Variants in TDRP observed in about 807,000 individuals in gnomAD.
TDRP encodes testis development related protein.
In TDRP, 12 loss-of-function variants were observed where a neutral mutation model predicts 10.5. That is an observed-to-expected ratio of 1.15 (90% CI 0.73 to 1.86). TDRP has a LOEUF of 1.86. Ranked by LOEUF, TDRP falls within the 40% of genes most tolerant of loss-of-function variation. The probability of loss-of-function intolerance (pLI) is 0.00; values close to 1 mark genes in which losing one functional copy is unlikely to be tolerated. For synonymous variants in TDRP, 139 were observed against 95.4 expected (o/e 1.46, Z -2.67); for missense variants, 353 against 229.2 (o/e 1.54, Z -3.49).
chr8:528,625 G>C (rs1232305948), intron 1 of TDRP, among the ~76,000 whole-genome samples: 1 of 151,748 alleles, frequency 6.6e-6, no homozygotes, highest in South Asian at 2.1e-4. Flanking sequence ...TAAAAAATAA[G>C]AGTATAATTG....
At chr8:504,695 T>C (rs1306687526) in intron 1 of TDRP, among the ~76,000 whole-genome samples, 1 of 152,222 alleles carries the variant, frequency 6.6e-6, no homozygotes, top group Non-Finnish European at 1.5e-5. Context: ...GGTTACAATT[T>C]GGGTCAACAG....
intron 1 of TDRP, among the ~76,000 whole-genome samples, chr8:512,921 A>T (rs1371075954): frequency 6.6e-6 from 1 of 151,912 alleles, no homozygotes; most frequent in Non-Finnish European, 1.5e-5. Flanking sequence ...GCAGTGAGCC[A>T]AGATTGTGAC....
intron 1 of TDRP, among the ~76,000 whole-genome samples, chr8:527,369 C>T (rs1305635294): frequency 6.6e-6 from 1 of 151,826 alleles, no homozygotes; most frequent in Non-Finnish European, 1.5e-5. Flanking sequence ...CAATGTAATC[C>T]CATTCATACC....
rs150321477 is a variant in TDRP at position 499,874 on chromosome 8, C to A, written c.109-5277G>T. 3.9e-3 allele frequency among the ~76,000 whole-genome samples: 588 copies of A among 152,262 alleles called. 3 individuals carry two copies. The highest frequency in any genetic ancestry group is 0.014 in the African/African-American group (565 of 41,554). On this transcript the variant is annotated intron_variant, in intron 1 of 2. Coordinates refer to ENST00000324079, the MANE Select transcript of TDRP (RefSeq NM_001384899.1). ...GACATGGACATTGTCCTGAGGTGGACAAAATCTTAGGTGGCGACAGCCTAA... is the reference window on the plus strand; with the variant it reads ...GACATGGACATTGTCCTGAGGTGGAAAAAATCTTAGGTGGCGACAGCCTAA...
Position 492,499 on chromosome 8 carries a change from G to C in TDRP, c.458C>G (p.Ala153Gly). The change falls in exon 3 of 3, where the codon GCC (alanine) becomes GGC (glycine). Residue 153 changes from alanine to glycine, a missense_variant. Physicochemically the swap from Ala to Gly is moderately conservative, Grantham distance 60 (BLOSUM62 0). Transcript: ENST00000324079. ...STKYTSLASS[A>G]NSSRWSLRAA... is the part of the protein sequence containing the mutation. ...GCGCAGGCTCCACCTGGAGCTGTTG[G>C]CAGAGCTGGCCAGGCTGGTGTACTT... The C allele has an allele frequency of 1.9e-6, 3 of 1,610,554 alleles. No homozygotes were observed. The highest frequency in any genetic ancestry group is 2.5e-6 in the Non-Finnish European group (3 of 1,178,036).
intron 1 of TDRP, among the ~76,000 whole-genome samples, chr8:527,540 G>C (rs1333349067): frequency 2.0e-4 from 30 of 151,996 alleles, no homozygotes; most frequent in Admixed American, 1.6e-3. Flanking sequence ...TAACCAAATG[G>C]AACTGGCACA....
At chr8:543,917 G>A (rs1388760232) in intron 1 of TDRP, among the ~76,000 whole-genome samples, 4 of 131,230 alleles carry the variant, frequency 3.0e-5, no homozygotes, top group African/African-American at 1.1e-4. Context: ...GCACTGCAAT[G>A]GAAAAAGGGA....
At chr8:513,685 G>A (rs925337640) in intron 1 of TDRP, among the ~76,000 whole-genome samples, 1 of 152,190 alleles carries the variant, frequency 6.6e-6, no homozygotes, top group Admixed American at 6.5e-5. Context: ...AATGCATACA[G>A]AAAGGAAACA....
intron 1 of TDRP, among the ~76,000 whole-genome samples, chr8:534,591 AAC>A (rs1460308175): frequency 1.3e-5 from 2 of 152,132 alleles, no homozygotes; most frequent in Non-Finnish European, 2.9e-5. Context: ...GGCTGTGAAA[AAC>A]AGTGAAATCA....
At chr8:508,275 A>T (rs1801518932) in intron 1 of TDRP, among the ~76,000 whole-genome samples, 1 of 152,228 alleles carries the variant, frequency 6.6e-6, no homozygotes. Context: ...TTTAGAGAAG[A>T]AAAAATTAAG....
chr8:496,301 T>C (rs907216695), intron 1 of TDRP, among the ~76,000 whole-genome samples: 8 of 152,194 alleles, frequency 5.3e-5, no homozygotes, highest in Non-Finnish European at 1.0e-4. Flanking sequence ...TGACAGAGCA[T>C]GTGGCAGGAT....
chr8:514,163 G>C (rs527878628), intron 1 of TDRP, among the ~76,000 whole-genome samples: 2 of 152,180 alleles, frequency 1.3e-5, no homozygotes, highest in Non-Finnish European at 1.5e-5. Flanking sequence ...ATCAAAGTAA[G>C]AGAACTCACA....
At chr8:519,429 A>C (rs1448087) in intron 1 of TDRP, among the ~76,000 whole-genome samples, 88,289 of 151,920 alleles carry the variant, frequency 0.58, 26,168 homozygotes, top group Admixed American at 0.65. Flanking sequence ...CAAGGGTAGC[A>C]TGGATACCTA....
intron 1 of TDRP, among the ~76,000 whole-genome samples, chr8:496,344 C>A (rs1270467792): frequency 1.3e-5 from 2 of 152,220 alleles, no homozygotes; most frequent in Non-Finnish European, 2.9e-5. Context: ...GAACATAATT[C>A]TAGAGGCTAA....
At chr8:509,964 G>A (rs961895685) in intron 1 of TDRP, among the ~76,000 whole-genome samples, 34 of 152,144 alleles carry the variant, frequency 2.2e-4, no homozygotes, top group Non-Finnish European at 4.6e-4. Context: ...AGGTTGCAGT[G>A]AGCCAAGATT....
chr8:506,256 T>A (rs550071946), intron 1 of TDRP, among the ~76,000 whole-genome samples: 1 of 152,248 alleles, frequency 6.6e-6, no homozygotes, highest in East Asian at 1.9e-4. Flanking sequence ...TCATGAAAAT[T>A]CTTAAACATT....
chr8:516,684 C>G (rs767497281), intron 1 of TDRP, among the ~76,000 whole-genome samples: 2 of 152,172 alleles, frequency 1.3e-5, no homozygotes, highest in Non-Finnish European at 2.9e-5. Context: ...TTTCAGAAGA[C>G]AGTTTGGCAG....
chr8:523,948 C>A (rs915829679), intron 1 of TDRP, among the ~76,000 whole-genome samples: 1 of 152,122 alleles, frequency 6.6e-6, no homozygotes, highest in African/African-American at 2.4e-5. Context: ...GGGCCTTTAG[C>A]GAACAAAAGT....
At chr8:531,812 G>A (rs1487690824) in intron 1 of TDRP, among the ~76,000 whole-genome samples, 1 of 152,148 alleles carries the variant, frequency 6.6e-6, no homozygotes, top group Admixed American at 6.5e-5. Flanking sequence ...GCAAAGAATA[G>A]CTAAAAGGAG....
Sources: allele counts gnomAD v4.1 joint callset (sites outside exome capture counted in the v4.1 genomes callset), GRCh38; gene constraint gnomAD v4.1.1; transcripts MANE v1.5; gene names NCBI Gene and HGNC (gene_info 2026-07-23, HGNC 2026-07-21).